The following FHIT variants were observed in gnomAD, a reference collection of about 807,000 sequenced individuals.
FHIT encodes the protein bis(5'-adenosyl)-triphosphatase.
FHIT carries 19 observed loss-of-function variants against 17.9 expected under a neutral mutation model. The ratio of observed to expected loss-of-function variants is 1.06; its 90% CI spans 0.74 to 1.56. The LOEUF is 1.56. Ranked by LOEUF, FHIT falls within the 40% of genes most tolerant of loss-of-function variation. The pLI is 0.00. For synonymous variants in FHIT, 81 were observed against 69.7 expected, an observed-to-expected ratio of 1.16 and a Z score of -0.81; for missense variants, 248 against 189.2, an observed-to-expected ratio of 1.31 and a Z score of -1.82.
intron 5 of FHIT, among the ~76,000 whole-genome samples, chr3:60,101,405 G>A (rs1159888194): frequency 6.6e-6 from 1 of 152,126 alleles, no homozygotes; most frequent in African/African-American, 2.4e-5. Context: ...TCTTCTTTCA[G>A]CTCCCCAGGA....
intron 5 of FHIT, among the ~76,000 whole-genome samples, chr3:60,237,918 C>G (rs1704893522): frequency 6.6e-6 from 1 of 151,858 alleles, no homozygotes; most frequent in African/African-American, 2.4e-5. Flanking sequence ...GGTGGATCAC[C>G]TGAGGTCAGG....
chr3:60,782,686 A>T (rs569585194), intron 4 of FHIT, among the ~76,000 whole-genome samples: 1 of 152,176 alleles, frequency 6.6e-6, no homozygotes, highest in Non-Finnish European at 1.5e-5. Flanking sequence ...AAAATACCAC[A>T]AACTGTGTAT....
intron 4 of FHIT, among the ~76,000 whole-genome samples, chr3:60,648,149 G>A (rs1553687296): frequency 6.6e-6 from 1 of 152,066 alleles, no homozygotes. Context: ...GTGGGTAGAG[G>A]GAACCACAAC....
At chr3:61,230,790 T>A (rs1017523438) in intron 1 of FHIT, among the ~76,000 whole-genome samples, 8 of 152,206 alleles carry the variant, frequency 5.3e-5, no homozygotes, top group Non-Finnish European at 8.8e-5. Context: ...CCATCCTATC[T>A]CACTTCCTAA....
rs117645854 is a variant in FHIT, at chr3:60,646,340, T to G, written c.-17-109361A>C. On this transcript the variant is annotated intron_variant, in intron 4 of 9. Transcript: ENST00000492590. ...ATCAAGTGAGCAAAATGGTATTAAA[T>G]CTGGTTAATTCTGCCCATGTCCATT... 2.0e-5 allele frequency among the ~76,000 whole-genome samples: 3 copies of G among 152,288 alleles called. No homozygotes were observed. In the East Asian group the frequency reaches 5.8e-4, roughly 29 times the overall value.
intron 7 of FHIT, among the ~76,000 whole-genome samples, chr3:59,930,644 C>T (rs562554752): frequency 7.9e-5 from 12 of 152,206 alleles, no homozygotes; most frequent in East Asian, 5.8e-4. Flanking sequence ...ATCCCATGCA[C>T]GATTTCATTT....
At chr3:60,362,324 G>A (rs543419588) in intron 5 of FHIT, among the ~76,000 whole-genome samples, 40 of 152,172 alleles carry the variant, frequency 2.6e-4, no homozygotes, top group African/African-American at 9.6e-4. Flanking sequence ...TATATCTGCT[G>A]GTTGATATTG....
intron 8 of FHIT, among the ~76,000 whole-genome samples, chr3:59,796,828 C>G (rs919466081): frequency 4.6e-5 from 7 of 152,090 alleles, no homozygotes; most frequent in African/African-American, 1.7e-4. Context: ...GAATTAGAGG[C>G]GTGGGTGTCA....
chr3:60,570,629 G>T (rs1356457775), intron 4 of FHIT, among the ~76,000 whole-genome samples: 5 of 151,130 alleles, frequency 3.3e-5, no homozygotes, highest in Non-Finnish European at 7.4e-5. Context: ...TCTGCGTTTG[G>T]CATAATACAG....
At chr3:60,913,496 G>T (rs782696474) in intron 3 of FHIT, among the ~76,000 whole-genome samples, 1 of 152,166 alleles carries the variant, frequency 6.6e-6, no homozygotes, top group Non-Finnish European at 1.5e-5. Flanking sequence ...CAGATGATTT[G>T]TAGGCATATT....
chr3:61,205,086 C>G (rs1436580513), intron 1 of FHIT, among the ~76,000 whole-genome samples: 1 of 151,206 alleles, frequency 6.6e-6, no homozygotes, highest in Admixed American at 6.6e-5. Flanking sequence ...GTGTTTTGTC[C>G]TTGTGATAGT....
At chr3:60,130,221 TA>T (rs1699479213) in intron 5 of FHIT, among the ~76,000 whole-genome samples, 1 of 152,194 alleles carries the variant, frequency 6.6e-6, no homozygotes, top group Non-Finnish European at 1.5e-5. Flanking sequence ...TGCCATGTAA[TA>T]TCTGGCTTTG....
chr3:59,797,211 G>C (rs1361805053), intron 8 of FHIT, among the ~76,000 whole-genome samples: 4 of 148,136 alleles, frequency 2.7e-5, no homozygotes, highest in Non-Finnish European at 4.4e-5. Context: ...TTTTGAGACA[G>C]AGTCTTGCTC....
chr3:60,644,010 T>C (rs1337077770), intron 4 of FHIT, among the ~76,000 whole-genome samples: 1 of 152,168 alleles, frequency 6.6e-6, no homozygotes, highest in Non-Finnish European at 1.5e-5. Context: ...ATTTACAACA[T>C]ACACTAACAG....
chr3:60,912,115 C>A (rs1432984237), intron 3 of FHIT, among the ~76,000 whole-genome samples: 1 of 152,050 alleles, frequency 6.6e-6, no homozygotes, highest in Admixed American at 6.6e-5. Context: ...GATCTCCCAA[C>A]TCAATTATAC....
chr3:60,715,671 A>C (rs868965585), intron 4 of FHIT, among the ~76,000 whole-genome samples: 1 of 151,264 alleles, frequency 6.6e-6, no homozygotes, highest in Non-Finnish European at 1.5e-5. Flanking sequence ...ACCTAATGCT[A>C]AATGATGAGT....
At chr3:60,926,964 C>A (rs1707653549) in intron 3 of FHIT, among the ~76,000 whole-genome samples, 1 of 152,064 alleles carries the variant, frequency 6.6e-6, no homozygotes, top group African/African-American at 2.4e-5. Flanking sequence ...GCTCCCTCTC[C>A]CTCTCCCTTT....
intron 5 of FHIT, among the ~76,000 whole-genome samples, chr3:60,427,624 G>C (rs990388699): frequency 1.3e-5 from 2 of 151,966 alleles, no homozygotes; most frequent in East Asian, 3.9e-4. Flanking sequence ...CCTAAATGTG[G>C]GTTAATTTTT....
At chr3:60,539,137 G>A (rs2036092426) in intron 4 of FHIT, among the ~76,000 whole-genome samples, 1 of 152,170 alleles carries the variant, frequency 6.6e-6, no homozygotes, top group Non-Finnish European at 1.5e-5. Flanking sequence ...CGAAAGATAT[G>A]AACAGACAGT....
Sources: gnomAD v4.1 joint callset for allele counts (sites outside exome capture counted in the v4.1 genomes callset) on GRCh38, gnomAD v4.1.1 for gene constraint, MANE v1.5 for transcripts, NCBI Gene and HGNC (gene_info 2026-07-23, HGNC 2026-07-21) for gene names.